Variants in ZFAND3 observed in about 807,000 individuals in gnomAD.
The protein encoded by ZFAND3 is AN1-type zinc finger protein 3.
ZFAND3 carries 10 observed loss-of-function variants against 29.6 expected under a neutral mutation model. The observed-to-expected ratio is 0.34, with a 90% CI of 0.21 to 0.57. The LOEUF (loss-of-function observed/expected upper bound fraction) is 0.57, where lower values mean the gene tolerates loss of function less well. Ranked by LOEUF, ZFAND3 falls within the 20% of genes least tolerant of loss-of-function variation. The pLI is 0.86. For synonymous variants in ZFAND3, 128 were observed against 112.6 expected, an observed-to-expected ratio of 1.14 and a Z score of -0.87; for missense variants, 230 against 304.5, an observed-to-expected ratio of 0.76 and a Z score of 1.82.
chr6:37,956,202 A>G (rs1762084100), intron 2 of ZFAND3, among the ~76,000 whole-genome samples: 1 of 152,252 alleles, frequency 6.6e-6, no homozygotes, highest in Non-Finnish European at 1.5e-5. Flanking sequence ...TACTGTGCTC[A>G]GGGCAATATT....
At chr6:37,969,305 T>G (rs936053881) in intron 2 of ZFAND3, among the ~76,000 whole-genome samples, 2 of 152,202 alleles carry the variant, frequency 1.3e-5, no homozygotes, top group African/African-American at 4.8e-5. Context: ...TACAGATGCT[T>G]CTTGATTTAA....
intron 1 of ZFAND3, among the ~76,000 whole-genome samples, chr6:37,898,965 G>A (rs891417713): frequency 5.3e-5 from 8 of 152,188 alleles, no homozygotes; most frequent in African/African-American, 1.7e-4. Flanking sequence ...GCGCGATCTC[G>A]GCTCGCTGCA....
In ZFAND3 at chr6:37,844,150, T is replaced by C. The variant is rs998834777; in HGVS notation, c.71+24134T>C. Among the ~76,000 whole-genome samples, 6 of 152,190 alleles carry C rather than the reference T, an allele frequency of 3.9e-5. No homozygotes were observed. In the East Asian group the frequency reaches 9.6e-4, roughly 24 times the overall value. On this transcript the variant is annotated intron_variant, in intron 1 of 5. Coordinates refer to ENST00000287218, the MANE Select transcript of ZFAND3 (RefSeq NM_021943.3). Reference sequence around the variant, plus strand: ...AGTTGCCCAGGCTGGTCTTGAACTCTTGGGCTCCAGTGATCTGCCCGCCTC... The same window carrying C: ...AGTTGCCCAGGCTGGTCTTGAACTCCTGGGCTCCAGTGATCTGCCCGCCTC...
At chr6:37,872,191 C>G (rs889613424) in intron 1 of ZFAND3, among the ~76,000 whole-genome samples, 2 of 152,216 alleles carry the variant, frequency 1.3e-5, no homozygotes, top group African/African-American at 4.8e-5. Context: ...CGTAGGCCTT[C>G]CCTCAGGCAA....
intron 3 of ZFAND3, among the ~76,000 whole-genome samples, chr6:38,069,477 A>G (rs986422855): frequency 6.6e-6 from 1 of 152,218 alleles, no homozygotes; most frequent in Non-Finnish European, 1.5e-5. Flanking sequence ...ATAATGAAGA[A>G]TGCCCAAACT....
chr6:37,819,876 C>T lies in ZFAND3; in HGVS notation c.-70C>T, dbSNP rs976676087. ...CCCCCCGACGCCGCCGCCACCGCCTCCTCAGAGCGGGGCCCGGGCCCAGCC... is the reference window on the plus strand; with the variant it reads ...CCCCCCGACGCCGCCGCCACCGCCTTCTCAGAGCGGGGCCCGGGCCCAGCC... On this transcript the variant is annotated 5_prime_UTR_variant, in exon 1 of 6. Coordinates refer to ENST00000287218, the MANE Select transcript of ZFAND3 (RefSeq NM_021943.3). 1.6e-5 allele frequency: 18 copies of T among 1,124,960 alleles called. No homozygotes were observed. The highest frequency in any genetic ancestry group is 2.0e-5 in the Non-Finnish European group (18 of 912,708). 69.7% of individuals were successfully genotyped at this position (1,124,960 alleles called of 1,614,324 possible).
intron 1 of ZFAND3, among the ~76,000 whole-genome samples, chr6:37,866,373 T>C (rs549312994): frequency 1.3e-5 from 2 of 152,338 alleles, no homozygotes; most frequent in African/African-American, 4.8e-5. Context: ...AATGTTGTTA[T>C]ATGATGTGGT....
intron 1 of ZFAND3, among the ~76,000 whole-genome samples, chr6:37,880,950 A>G (rs1010382540): frequency 2.0e-5 from 3 of 151,656 alleles, no homozygotes; most frequent in Admixed American, 6.6e-5. Flanking sequence ...AGCATGGCAC[A>G]TGTATACATA....
At chr6:37,915,849 A>G (rs1761239109) in intron 1 of ZFAND3, 1 of 152,196 alleles carries the variant, frequency 6.6e-6, no homozygotes, top group African/African-American at 2.4e-5. Flanking sequence ...AGCTCACTGC[A>G]ACCTCTGCCT....
intron 2 of ZFAND3, among the ~76,000 whole-genome samples, chr6:38,051,415 A>G (rs1425780265): frequency 6.6e-6 from 1 of 152,188 alleles, no homozygotes; most frequent in Non-Finnish European, 1.5e-5. Flanking sequence ...TTTATGGGAC[A>G]TTTAAAGCCT....
intron 4 of ZFAND3, among the ~76,000 whole-genome samples, chr6:38,091,877 C>T (rs949374507): frequency 3.3e-5 from 5 of 152,148 alleles, no homozygotes; most frequent in South Asian, 2.1e-4. Context: ...CTGGGACTTG[C>T]GCTGATGCAG....
chr6:37,918,560 A>C (rs1761308266), intron 1 of ZFAND3, among the ~76,000 whole-genome samples: 1 of 152,182 alleles, frequency 6.6e-6, no homozygotes, highest in Middle Eastern at 3.2e-3. Context: ...ACTTTAGGTT[A>C]CTTTTCATCT....
chr6:38,060,927 C>A (rs903212701), intron 2 of ZFAND3, among the ~76,000 whole-genome samples: 1 of 152,142 alleles, frequency 6.6e-6, no homozygotes, highest in African/African-American at 2.4e-5. Context: ...ATGATTTTTG[C>A]ATCCCGTGAA....
rs2145886 is a variant in ZFAND3 at position 38,129,967 on chromosome 6, C to T, written c.529+13228C>T. Among the ~76,000 whole-genome samples the T allele has an allele frequency of 0.018, 2,679 of 152,174 alleles. 254 individuals carry two copies. The East Asian group carries it at 0.28, about 16-fold the overall frequency. ...CATCCATGAGCATGGGATGTGTTTCCATTTGTTTATGTTGTCTATGATTTC... is the reference window on the plus strand; with the variant it reads ...CATCCATGAGCATGGGATGTGTTTCTATTTGTTTATGTTGTCTATGATTTC... On this transcript the variant is annotated intron_variant, in intron 5 of 5. Transcript: ENST00000287218.
intron 3 of ZFAND3, among the ~76,000 whole-genome samples, chr6:38,070,776 A>G (rs1290072631): frequency 1.3e-5 from 2 of 152,166 alleles, no homozygotes; most frequent in African/African-American, 4.8e-5. Flanking sequence ...AAATGACTGT[A>G]TGACTTTATA....
chr6:38,031,802 G>A (rs1719087791), intron 2 of ZFAND3, among the ~76,000 whole-genome samples: 1 of 151,852 alleles, frequency 6.6e-6, no homozygotes, highest in South Asian at 2.1e-4. Flanking sequence ...TGCATATGTA[G>A]ACTCCAACTT....
At chr6:37,966,064 A>G (rs1762287102) in intron 2 of ZFAND3, among the ~76,000 whole-genome samples, 1 of 152,156 alleles carries the variant, frequency 6.6e-6, no homozygotes, top group South Asian at 2.1e-4. Context: ...TTCCTGGCCC[A>G]GAAGAATAAC....
At chr6:37,940,264 C>T (rs1198673529) in intron 2 of ZFAND3, among the ~76,000 whole-genome samples, 1 of 152,142 alleles carries the variant, frequency 6.6e-6, no homozygotes. Flanking sequence ...AGATACTTAG[C>T]GTAATTCTTG....
chr6:38,053,169 G>A (rs754654265), intron 2 of ZFAND3, among the ~76,000 whole-genome samples: 2 of 152,164 alleles, frequency 1.3e-5, no homozygotes, highest in Non-Finnish European at 2.9e-5. Flanking sequence ...CATCAAATGT[G>A]GCTGAAGAAA....
Sources: gnomAD v4.1 joint callset for allele counts (sites outside exome capture counted in the v4.1 genomes callset) on GRCh38, gnomAD v4.1.1 for gene constraint, MANE v1.5 for transcripts, NCBI Gene and HGNC (gene_info 2026-07-23, HGNC 2026-07-21) for gene names.